Variants in ROBO1 observed in about 807,000 individuals in gnomAD.
ROBO1 encodes the protein roundabout guidance receptor 1.
Under a neutral mutation model 195.9 loss-of-function variants are expected in ROBO1, and 149 were observed. The observed-to-expected ratio is 0.76, with a 90% CI of 0.67 to 0.87. The LOEUF is 0.87. Ranked by LOEUF, ROBO1 falls within the 40% of genes least tolerant of loss-of-function variation. The pLI, the probability that ROBO1 is intolerant of heterozygous loss-of-function variation, is 0.00. For missense variants in ROBO1, 1,933 were observed against 2,068.3 expected (o/e 0.93, Z 1.27); for synonymous variants, 816 against 733.2 (o/e 1.11, Z -1.82).
At chr3:78,785,478 G>C (rs2083806521) in intron 4 of ROBO1, among the ~76,000 whole-genome samples, 1 of 152,096 alleles carries the variant, frequency 6.6e-6, no homozygotes, top group Non-Finnish European at 1.5e-5. Context: ...CTGCTTATTT[G>C]ATGGATTTTT....
intron 4 of ROBO1, among the ~76,000 whole-genome samples, chr3:78,881,682 T>C (rs2036190675): frequency 6.6e-6 from 1 of 152,168 alleles, no homozygotes; most frequent in African/African-American, 2.4e-5. Flanking sequence ...AACTGGCAGA[T>C]TTTATTATCG....
At chr3:79,285,278 T>TG (rs1348452934) in intron 2 of ROBO1, among the ~76,000 whole-genome samples, 18 of 152,154 alleles carry the variant, frequency 1.2e-4, no homozygotes, top group African/African-American at 4.1e-4. Flanking sequence ...ATAGCCCCCA[T>TG]GGAAGAATGT....
intron 2 of ROBO1, among the ~76,000 whole-genome samples, chr3:79,303,417 T>C (rs1045948277): frequency 6.6e-6 from 1 of 152,132 alleles, no homozygotes; most frequent in Admixed American, 6.6e-5. Context: ...CCACCCACCT[T>C]GGCCTCTCAA....
chr3:78,663,632 G>C (rs7616495), intron 14 of ROBO1, among the ~76,000 whole-genome samples: 35,746 of 152,032 alleles, frequency 0.24, 4,303 homozygotes, highest in African/African-American at 0.26. Context: ...CTATTCTTCA[G>C]TTTCCTTATG....
At chr3:79,717,844 T>C (rs1281753788) in intron 1 of ROBO1, among the ~76,000 whole-genome samples, 4 of 152,066 alleles carry the variant, frequency 2.6e-5, no homozygotes, top group Non-Finnish European at 5.9e-5. Flanking sequence ...TATATCTTTG[T>C]GTGTGTCTTT....
chr3:79,265,856 T>C (rs1027061152), intron 2 of ROBO1, among the ~76,000 whole-genome samples: 2 of 151,510 alleles, frequency 1.3e-5, no homozygotes, highest in East Asian at 3.9e-4. Context: ...ATCAAAACTG[T>C]TATACGACCC....
chr3:78,967,771 A>T (rs1023910760), intron 3 of ROBO1, among the ~76,000 whole-genome samples: 2 of 152,352 alleles, frequency 1.3e-5, no homozygotes, highest in African/African-American at 4.8e-5. Context: ...AACATTATAT[A>T]CAGCAAAATG....
intron 1 of ROBO1, among the ~76,000 whole-genome samples, chr3:79,625,423 G>GAAAAAAAAAAAAAAAAAAAAA: frequency 2.2e-4 from 3 of 13,882 alleles, no homozygotes; most frequent in Admixed American, 1.9e-3. Flanking sequence ...TGTTTTTTTT[G>GAAAAAAAAAAAAAAAAAAAAA]AAAAAAAAAA....
At chr3:78,954,364 T>G (rs549232933) in intron 3 of ROBO1, among the ~76,000 whole-genome samples, 1 of 152,230 alleles carries the variant, frequency 6.6e-6, no homozygotes, top group East Asian at 1.9e-4. Context: ...CATATTGTTT[T>G]TCATCTCCTT....
intron 3 of ROBO1, among the ~76,000 whole-genome samples, chr3:78,960,299 G>A (rs1216848571): frequency 6.6e-6 from 1 of 150,694 alleles, no homozygotes; most frequent in South Asian, 2.1e-4. Flanking sequence ...ATATTAATAT[G>A]TAATATAGCA....
chr3:79,480,624 G>T (rs1938790428), intron 2 of ROBO1, among the ~76,000 whole-genome samples: 1 of 152,102 alleles, frequency 6.6e-6, no homozygotes, highest in African/African-American at 2.4e-5. Context: ...GTGTATGTGT[G>T]TGTGTGTGCC....
At chr3:79,537,542 A>G (rs1941919251) in intron 2 of ROBO1, among the ~76,000 whole-genome samples, 1 of 152,170 alleles carries the variant, frequency 6.6e-6, no homozygotes, top group Admixed American at 6.6e-5. Context: ...AAAATGGCTG[A>G]AATATTTCTG....
At chr3:79,418,737 C>A (rs1350273318) in intron 2 of ROBO1, among the ~76,000 whole-genome samples, 1 of 152,100 alleles carries the variant, frequency 6.6e-6, no homozygotes, top group Non-Finnish European at 1.5e-5. Flanking sequence ...GTGTTGAGTG[C>A]TAAACAGATA....
chr3:78,991,945 A>C (rs908497084), intron 3 of ROBO1, among the ~76,000 whole-genome samples: 2 of 152,222 alleles, frequency 1.3e-5, no homozygotes, highest in African/African-American at 4.8e-5. Flanking sequence ...CTACAAAAAA[A>C]AACCAAAATG....
At chr3:79,186,520 A>G (rs913341779) in intron 2 of ROBO1, among the ~76,000 whole-genome samples, 3 of 151,994 alleles carry the variant, frequency 2.0e-5, no homozygotes, top group East Asian at 1.9e-4. Context: ...ACGTTTCTCA[A>G]TCTGGGCCCT....
At chr3:79,032,562 A>G (rs894477609) in intron 3 of ROBO1, among the ~76,000 whole-genome samples, 1 of 152,036 alleles carries the variant, frequency 6.6e-6, no homozygotes, top group Non-Finnish European at 1.5e-5. Context: ...TGAAATGGCA[A>G]TAGAATCTCT....
At chr3:79,414,100 CAG>C (rs1442278312) in intron 2 of ROBO1, among the ~76,000 whole-genome samples, 3 of 152,020 alleles carry the variant, frequency 2.0e-5, no homozygotes, top group African/African-American at 7.2e-5. Flanking sequence ...TTTATCTTCT[CAG>C]AGTTTCCCAG....
chr3:78,678,972 C>T (rs921257507), intron 10 of ROBO1, among the ~76,000 whole-genome samples: 5 of 152,112 alleles, frequency 3.3e-5, no homozygotes, highest in South Asian at 2.1e-4. Flanking sequence ...AAAAGCTTAT[C>T]CACCATGATC....
intron 2 of ROBO1, among the ~76,000 whole-genome samples, chr3:79,578,397 C>T (rs1259151296): frequency 6.6e-6 from 1 of 152,104 alleles, no homozygotes; most frequent in East Asian, 1.9e-4. Flanking sequence ...TAGTCAGTTG[C>T]TGGTTGATTA....
Sources: gnomAD v4.1 joint callset for allele counts (sites outside exome capture counted in the v4.1 genomes callset) on GRCh38, gnomAD v4.1.1 for gene constraint, MANE v1.5 for transcripts, NCBI Gene and HGNC (gene_info 2026-07-23, HGNC 2026-07-21) for gene names.